Variants in SGCZ observed in about 807,000 individuals in gnomAD.
SGCZ encodes the protein sarcoglycan zeta.
SGCZ carries 40 observed loss-of-function variants against 41.3 expected under a neutral mutation model. The observed-to-expected ratio is 0.97, with a 90% CI of 0.75 to 1.26. The LOEUF is 1.26. Ranked by LOEUF, SGCZ falls within the 50% of genes most tolerant of loss-of-function variation. The pLI, the probability that SGCZ is intolerant of heterozygous loss-of-function variation, is 0.00. For synonymous variants in SGCZ, 206 were observed against 137.5 expected, an observed-to-expected ratio of 1.50 and a Z score of -3.49; for missense variants, 552 against 369.8, an observed-to-expected ratio of 1.49 and a Z score of -4.04.
chr8:14,575,094 G>T (rs1293291135), intron 1 of SGCZ, among the ~76,000 whole-genome samples: 1 of 152,134 alleles, frequency 6.6e-6, no homozygotes, highest in Non-Finnish European at 1.5e-5. Flanking sequence ...AGAGCAAACT[G>T]ATTTTTTGCT....
chr8:14,306,022 C>T (rs561418042), intron 3 of SGCZ, among the ~76,000 whole-genome samples: 1 of 152,112 alleles, frequency 6.6e-6, no homozygotes, highest in African/African-American at 2.4e-5. Context: ...AGCCCCAGGT[C>T]ACTTTGTGTA....
chr8:14,667,845 A>G (rs548179114), intron 1 of SGCZ, among the ~76,000 whole-genome samples: 65 of 152,310 alleles, frequency 4.3e-4, no homozygotes, highest in Middle Eastern at 3.4e-3. Context: ...TTAGAATATT[A>G]TTGCTAAAAT....
At chr8:15,183,276 A>G (rs1800232136) in intron 1 of SGCZ, among the ~76,000 whole-genome samples, 3 of 152,256 alleles carry the variant, frequency 2.0e-5, no homozygotes, top group Admixed American at 1.3e-4. Context: ...ATAATTTTCT[A>G]TGCTAGGCTG....
rs368063522 is a variant in SGCZ, at chr8:14,328,800, A to G, written c.235-4596T>C. Among the ~76,000 whole-genome samples the G allele has an allele frequency of 1.9e-4, 29 of 152,302 alleles. No homozygotes were observed. The East Asian group carries it at 3.7e-3, about 19-fold the overall frequency. On this transcript the variant is annotated intron_variant, in intron 2 of 7. Coordinates refer to ENST00000382080, the MANE Select transcript of SGCZ (RefSeq NM_139167.4). ...TATTAAGAGGTGGAGGCTTTAAGAC[A>G]TTATTAGGCCAGGAGGGCTCCTCCC... is the stretch of plus-strand genomic sequence containing the variant.
chr8:14,216,539 T>G (rs1050655607), intron 4 of SGCZ, among the ~76,000 whole-genome samples: 1 of 152,116 alleles, frequency 6.6e-6, no homozygotes, highest in Admixed American at 6.5e-5. Flanking sequence ...GGAAACAAAA[T>G]CTAACATATC....
intron 1 of SGCZ, among the ~76,000 whole-genome samples, chr8:14,978,330 G>T (rs1161695442): frequency 1.5e-5 from 2 of 135,176 alleles, no homozygotes; most frequent in Non-Finnish European, 1.5e-5. Context: ...TTAGTTGGGC[G>T]TGGTGCCATG....
chr8:14,934,796 G>C (rs558929245), intron 1 of SGCZ, among the ~76,000 whole-genome samples: 1 of 151,194 alleles, frequency 6.6e-6, no homozygotes, highest in South Asian at 2.1e-4. Context: ...AAAAAAGGCA[G>C]GAAAAATGAC....
chr8:14,663,337 A>C (rs777251047), intron 1 of SGCZ, among the ~76,000 whole-genome samples: 9 of 152,148 alleles, frequency 5.9e-5, no homozygotes, highest in Non-Finnish European at 1.2e-4. Context: ...TTCACCCTGG[A>C]TTCCTGTAAA....
chr8:14,535,697 A>T (rs1037771385), intron 2 of SGCZ, among the ~76,000 whole-genome samples: 36 of 151,886 alleles, frequency 2.4e-4, no homozygotes, highest in African/African-American at 8.2e-4. Flanking sequence ...TTATTCTATC[A>T]TTCCAAGATT....
intron 4 of SGCZ, among the ~76,000 whole-genome samples, chr8:14,205,741 G>C (rs1235483359): frequency 6.6e-6 from 1 of 151,972 alleles, no homozygotes; most frequent in African/African-American, 2.4e-5. Flanking sequence ...TGGTTGAATG[G>C]CATAATAATT....
intron 1 of SGCZ, among the ~76,000 whole-genome samples, chr8:14,775,606 C>A (rs961996670): frequency 6.6e-6 from 1 of 151,760 alleles, no homozygotes; most frequent in African/African-American, 2.4e-5. Flanking sequence ...ACAACTTAAC[C>A]ATATAACACA....
intron 3 of SGCZ, among the ~76,000 whole-genome samples, chr8:14,238,056 T>C (rs185923034): frequency 6.6e-6 from 1 of 152,240 alleles, no homozygotes; most frequent in African/African-American, 2.4e-5. Context: ...TTAAGTTGCA[T>C]CTTTCAGATC....
At chr8:14,424,759 A>G (rs1307896080) in intron 2 of SGCZ, among the ~76,000 whole-genome samples, 1 of 152,220 alleles carries the variant, frequency 6.6e-6, no homozygotes, top group African/African-American at 2.4e-5. Flanking sequence ...GTTTTCTAAT[A>G]CAATGAAAGA....
intron 1 of SGCZ, among the ~76,000 whole-genome samples, chr8:14,896,001 A>T (rs1805183982): frequency 6.6e-6 from 1 of 152,160 alleles, no homozygotes; most frequent in Non-Finnish European, 1.5e-5. Context: ...GGTAAGGCAA[A>T]CCATTCCCTC....
Position 14,680,818 on chromosome 8 carries a change from C to T in SGCZ, c.40-125892G>A, listed in dbSNP as rs139921658. ...TATTTAAAAAGACACAAATTAAACTCCCAAAGATGAAAATACAGTGTCTTA... is the reference window on the plus strand; with the variant it reads ...TATTTAAAAAGACACAAATTAAACTTCCAAAGATGAAAATACAGTGTCTTA... On this transcript the variant is annotated intron_variant, in intron 1 of 7. Coordinates refer to ENST00000382080, the MANE Select transcript of SGCZ (RefSeq NM_139167.4). Among the ~76,000 whole-genome samples the T allele has an allele frequency of 6.0e-3, 907 of 151,848 alleles. 10 individuals are homozygous for T. Among genetic ancestry groups the T allele is most frequent in the Middle Eastern group, 0.024 (7 of 292 alleles).
intron 1 of SGCZ, among the ~76,000 whole-genome samples, chr8:15,211,145 T>C (rs1259182589): frequency 6.6e-6 from 1 of 151,668 alleles, no homozygotes; most frequent in East Asian, 1.9e-4. Context: ...ACAGATATTC[T>C]ATATGTTGAT....
intron 1 of SGCZ, among the ~76,000 whole-genome samples, chr8:14,881,803 A>G (rs1341122567): frequency 6.6e-6 from 1 of 152,208 alleles, no homozygotes; most frequent in Non-Finnish European, 1.5e-5. Flanking sequence ...CATGGCACTT[A>G]CTCTAAAGTT....
intron 4 of SGCZ, among the ~76,000 whole-genome samples, chr8:14,223,835 C>CT (rs1289919729): frequency 6.6e-6 from 1 of 152,274 alleles, no homozygotes; most frequent in East Asian, 1.9e-4. Flanking sequence ...CTACCTTCTG[C>CT]TTTTTCTCCC....
At chr8:14,342,592 G>A (rs573836337) in intron 2 of SGCZ, among the ~76,000 whole-genome samples, 31 of 152,270 alleles carry the variant, frequency 2.0e-4, no homozygotes, top group African/African-American at 7.5e-4. Flanking sequence ...TGGGATTACA[G>A]GCGTGAGCCA....
Sources: allele counts gnomAD v4.1 joint callset (sites outside exome capture counted in the v4.1 genomes callset), GRCh38; gene constraint gnomAD v4.1.1; transcripts MANE v1.5; gene names NCBI Gene and HGNC (gene_info 2026-07-23, HGNC 2026-07-21).